The following SLC35F3 variants were observed in gnomAD, a reference collection of about 807,000 sequenced individuals.
SLC35F3 encodes the protein putative thiamine transporter SLC35F3.
In SLC35F3, 25 loss-of-function variants were observed where a neutral mutation model predicts 49.9. The ratio of observed to expected loss-of-function variants is 0.50; its 90% CI spans 0.37 to 0.70. The LOEUF (loss-of-function observed/expected upper bound fraction) is 0.70, where lower values mean the gene tolerates loss of function less well. Among genes scored for constraint, SLC35F3 ranks in the 30% least tolerant of loss-of-function variants. SLC35F3 has a pLI of 0.00. For missense variants in SLC35F3, 525 were observed against 639.8 expected, an observed-to-expected ratio of 0.82 and a Z score of 1.94; for synonymous variants, 275 against 265.4, an observed-to-expected ratio of 1.04 and a Z score of -0.35.
intron 3 of SLC35F3, among the ~76,000 whole-genome samples, chr1:234,245,639 C>T (rs1667620073): frequency 6.6e-6 from 1 of 152,182 alleles, no homozygotes; most frequent in Non-Finnish European, 1.5e-5. Flanking sequence ...ATGCTTAGAG[C>T]GTGTGCTGGA....
intron 2 of SLC35F3, among the ~76,000 whole-genome samples, chr1:234,064,097 A>G (rs1041696434): frequency 6.6e-6 from 1 of 152,142 alleles, no homozygotes; most frequent in Non-Finnish European, 1.5e-5. Context: ...ATATCTAAAC[A>G]TTTGGATTTT....
intron 2 of SLC35F3, among the ~76,000 whole-genome samples, chr1:234,132,418 A>T (rs1459727919): frequency 6.6e-6 from 1 of 152,238 alleles, no homozygotes; most frequent in Non-Finnish European, 1.5e-5. Flanking sequence ...AATTGCTAAG[A>T]ATATACAAAA....
rs1254802490 is a variant in SLC35F3 at position 234,267,511 on chromosome 1, A to AC, written c.608+35777dup. 8.6e-5 allele frequency among the ~76,000 whole-genome samples: 11 copies of AC among 128,294 alleles called. 1 individual carries two copies. Among genetic ancestry groups the AC allele is most frequent in the Non-Finnish European group, 1.5e-4 (9 of 61,508 alleles). 84.2% of individuals were successfully genotyped at this position (128,294 alleles called of 152,430 possible). A position where few individuals can be genotyped will look rare whatever the true frequency, so the allele number is the denominator to read the frequency against. Reference sequence around the variant, plus strand: ...GGGCGGCTGGCCGGGCGGGGGGCTGACCCCCCCACCTCCCTCCCGGACGGG... The same window carrying AC: ...GGGCGGCTGGCCGGGCGGGGGGCTGACCCCCCCCACCTCCCTCCCGGACGGG... On this transcript the variant is annotated intron_variant, in intron 3 of 7. Coordinates refer to ENST00000366618, the MANE Select transcript of SLC35F3 (RefSeq NM_173508.4).
chr1:233,929,547 A>G (rs1662210139), intron 2 of SLC35F3, among the ~76,000 whole-genome samples: 1 of 152,070 alleles, frequency 6.6e-6, no homozygotes, highest in Non-Finnish European at 1.5e-5. Flanking sequence ...TTTCCTTTTC[A>G]TTTCTTTTAG....
chr1:233,954,101 G>A (rs755033806), intron 2 of SLC35F3, among the ~76,000 whole-genome samples: 6 of 151,980 alleles, frequency 3.9e-5, no homozygotes, highest in Non-Finnish European at 1.5e-5. Context: ...CCACCTCCCG[G>A]GTTCAAGCTA....
intron 2 of SLC35F3, among the ~76,000 whole-genome samples, chr1:234,141,787 A>G (rs576626524): frequency 6.6e-6 from 1 of 152,218 alleles, no homozygotes; most frequent in East Asian, 1.9e-4. Flanking sequence ...CCTTTTGCCT[A>G]AAATACTCCT....
At chr1:234,306,870 G>T (rs1379955535) in intron 3 of SLC35F3, among the ~76,000 whole-genome samples, 1 of 152,188 alleles carries the variant, frequency 6.6e-6, no homozygotes, top group Non-Finnish European at 1.5e-5. Context: ...TCCAGAAGAT[G>T]AATTGTTTTT....
At chr1:234,278,960 T>C (rs999973640) in intron 3 of SLC35F3, among the ~76,000 whole-genome samples, 2 of 151,924 alleles carry the variant, frequency 1.3e-5, no homozygotes, top group Non-Finnish European at 2.9e-5. Flanking sequence ...TCAGTCAATT[T>C]AGGAAGTTTA....
At position 234,080,058 on chromosome 1, in the gene SLC35F3, G is replaced by A. The variant is rs553948775; in HGVS notation, c.284-151359G>A. ...AGGGTGAGGGCTGGTTGCTGGAGGT[G>A]ATCAACAAGGTGATCAAAGGGATAG... On this transcript the variant is annotated intron_variant, in intron 2 of 7. Coordinates refer to ENST00000366618, the MANE Select transcript of SLC35F3 (RefSeq NM_173508.4). 2.0e-3 allele frequency among the ~76,000 whole-genome samples: 299 copies of A among 152,300 alleles called. 1 individual carries two copies. The Middle Eastern group carries it at 0.027, about 14-fold the overall frequency.
chr1:234,189,296 G>A (rs900991377), intron 2 of SLC35F3, among the ~76,000 whole-genome samples: 3 of 151,544 alleles, frequency 2.0e-5, no homozygotes, highest in Admixed American at 6.6e-5. Context: ...GGTGAAGTCC[G>A]ACTTAAGGAA....
At chr1:234,220,413 G>A (rs10910385) in intron 2 of SLC35F3, among the ~76,000 whole-genome samples, 25,182 of 152,072 alleles carry the variant, frequency 0.17, 3,814 homozygotes, top group East Asian at 0.8. Context: ...AGACATGTTG[G>A]GGAGTGACAG....
At chr1:233,974,174 C>CTTTT (rs757673463) in intron 2 of SLC35F3, among the ~76,000 whole-genome samples, 27 of 83,112 alleles carry the variant, frequency 3.2e-4, no homozygotes, top group African/African-American at 5.7e-4. Context: ...ATTTCTATTT[C>CTTTT]TTTTTTTTTT....
At chr1:234,277,749 T>C (rs1201229709) in intron 3 of SLC35F3, among the ~76,000 whole-genome samples, 1 of 152,220 alleles carries the variant, frequency 6.6e-6, no homozygotes, top group African/African-American at 2.4e-5. Flanking sequence ...GATGCAGCAA[T>C]ACACTGTGGA....
intron 3 of SLC35F3, among the ~76,000 whole-genome samples, chr1:234,242,487 G>A (rs529598579): frequency 7.9e-5 from 12 of 152,280 alleles, no homozygotes; most frequent in South Asian, 4.1e-4. Flanking sequence ...TTTAAAGTGC[G>A]TATTGGTTTT....
rs988539379 is a variant in SLC35F3 at position 234,194,618 on chromosome 1, AT to A, written c.284-36798del. 6.4e-5 allele frequency among the ~76,000 whole-genome samples: 9 copies of A among 140,446 alleles called. 3 individuals carry two copies. The highest frequency in any genetic ancestry group is 7.7e-5 in the Admixed American group (1 of 12,972). 92.1% of individuals were successfully genotyped at this position (140,446 alleles called of 152,430 possible). A position where few individuals can be genotyped will look rare whatever the true frequency, so the allele number is the denominator to read the frequency against. ...GGAAATTTTTTAAAAAATTAATGCA[AT>A]AAAAAAAAAGAAAAGAAAGAGCAGC... is the stretch of plus-strand genomic sequence containing the variant. On this transcript the variant is annotated intron_variant, in intron 2 of 7. Coordinates refer to ENST00000366618, the MANE Select transcript of SLC35F3 (RefSeq NM_173508.4).
At chr1:234,177,449 CTT>C (rs1666493172) in intron 2 of SLC35F3, among the ~76,000 whole-genome samples, 1 of 152,136 alleles carries the variant, frequency 6.6e-6, no homozygotes, top group South Asian at 2.1e-4. Flanking sequence ...GCTAAACTCT[CTT>C]TGTGAGTGAG....
chr1:234,096,332 G>A (rs554993144), intron 2 of SLC35F3, among the ~76,000 whole-genome samples: 58 of 152,216 alleles, frequency 3.8e-4, no homozygotes, highest in African/African-American at 1.3e-3. Flanking sequence ...CCCTCCGTTT[G>A]GCTACACAGG....
At chr1:234,263,384 A>G (rs950277493) in intron 3 of SLC35F3, among the ~76,000 whole-genome samples, 1 of 152,222 alleles carries the variant, frequency 6.6e-6, no homozygotes, top group Non-Finnish European at 1.5e-5. Flanking sequence ...ATTATTATTT[A>G]GTATGCAAAA....
chr1:234,092,408 C>T (rs6671634), intron 2 of SLC35F3, among the ~76,000 whole-genome samples: 20,665 of 152,122 alleles, frequency 0.14, 3,028 homozygotes, highest in East Asian at 0.82. Flanking sequence ...TCTCCCACCC[C>T]CTCCTACACT....
Sources: gnomAD v4.1 joint callset for allele counts (sites outside exome capture counted in the v4.1 genomes callset) on GRCh38, gnomAD v4.1.1 for gene constraint, MANE v1.5 for transcripts, NCBI Gene and HGNC (gene_info 2026-07-23, HGNC 2026-07-21) for gene names.